The following PTCRA variants were observed in gnomAD, a reference collection of about 807,000 sequenced individuals.
PTCRA encodes pre T-cell antigen receptor alpha.
In PTCRA, 9 loss-of-function variants were observed where a neutral mutation model predicts 13.4. The observed-to-expected ratio is 0.67, with a 90% CI of 0.41 to 1.18. The LOEUF is 1.18. Ranked by LOEUF, PTCRA falls within the 50% of genes most tolerant of loss-of-function variation. PTCRA has a pLI of 0.01. For missense variants in PTCRA, 353 were observed against 359.8 expected (o/e 0.98, Z 0.15); for synonymous variants, 153 against 161.9 (o/e 0.94, Z 0.42).
At position 42,923,363 on chromosome 6, in the gene PTCRA, G is replaced by A. The variant is rs773822059; in HGVS notation, c.379+16G>A. ...CATCTGTCAGGTGGGGATGGAGCCTGGGCCCTTGCGGATGCTCCCTGTCCC... is the reference window on the plus strand; with the variant it reads ...CATCTGTCAGGTGGGGATGGAGCCTAGGCCCTTGCGGATGCTCCCTGTCCC... On this transcript the variant is annotated intron_variant, in intron 2 of 3. Transcript: ENST00000304672. 1 of 1,610,672 alleles carries A rather than the reference G, an allele frequency of 6.2e-7. No individual in the cohort carries two copies. Among genetic ancestry groups the A allele is most frequent in the South Asian group, 1.1e-5 (1 of 91,006 alleles).
At position 42,923,047 on chromosome 6, in the gene PTCRA, C is replaced by T. The variant is rs766274816; in HGVS notation, c.79C>T (p.Pro27Ser). 1 of 1,614,234 alleles carries T rather than the reference C, an allele frequency of 6.2e-7. No homozygotes were observed. The highest frequency in any genetic ancestry group is 1.7e-5 in the Admixed American group (1 of 60,018). ...LPTGVGGTPF[P>S]SLAPPIMLLV... ...TGCAGGTGTGGGCGGCACACCCTTT[C>T]CTTCTCTGGCCCCACCAATCATGCT... is the stretch of plus-strand genomic sequence containing the variant. The change falls in exon 2 of 4, where the codon CCT becomes TCT. Residue 27 changes from proline (P) to serine (S), a missense_variant. Transcript: ENST00000304672.
At chr6:42,918,236 A>G (rs1274227913) in intron 1 of PTCRA, among the ~76,000 whole-genome samples, 2 of 150,964 alleles carry the variant, frequency 1.3e-5, no homozygotes, top group Non-Finnish European at 2.9e-5. Context: ...AGGCTAGGCG[A>G]CAGAACCAGA....
At position 42,923,034 on chromosome 6, in the gene PTCRA, C is replaced by T. The variant is rs530346250; in HGVS notation, c.66C>T (p.Gly22=). ...GTACATGCTCTCTTGCAGGTGTGGG[C>T]GGCACACCCTTTCCTTCTCTGGCCC... is the stretch of plus-strand genomic sequence containing the variant. The part of the protein sequence containing the change: ...LGCPALPTGV[G]GTPFPSLAPP... Residue 22 remains glycine, a synonymous_variant, in exon 2 of 4, where the codon GGC becomes GGT. Transcript: ENST00000304672. 238 of 1,613,990 alleles carry T rather than the reference C, an allele frequency of 1.5e-4. No individual in the cohort carries two copies. Among genetic ancestry groups the T allele is most frequent in the East Asian group, 5.1e-4 (23 of 44,878 alleles).
At chr6:42,918,030 CAGATCACTTGA>C (rs1254193803) in intron 1 of PTCRA, among the ~76,000 whole-genome samples, 1 of 152,058 alleles carries the variant, frequency 6.6e-6, no homozygotes, top group Admixed American at 6.6e-5. Flanking sequence ...CCAAGGCGGG[CAGATCACTTGA>C]AGTCAGGAGT....
chr6:42,923,294 C>T lies in PTCRA; in HGVS notation c.326C>T (p.Thr109Ile), dbSNP rs966039638. 1.1e-5 allele frequency: 18 copies of T among 1,614,110 alleles called. No individual in the cohort carries two copies. Among genetic ancestry groups the T allele is most frequent in the Non-Finnish European group, 1.4e-5 (16 of 1,180,032 alleles). The change falls in exon 2 of 4, where the codon ACT (threonine) becomes ATT (isoleucine). Residue 109 changes from threonine to isoleucine, a missense_variant. Physicochemically the swap from Thr to Ile is moderately conservative, Grantham distance 89 (BLOSUM62 -1). Coordinates refer to ENST00000304672, the MANE Select transcript of PTCRA (RefSeq NM_138296.3). Reference sequence around the variant, plus strand: ...TCCTGGGAGCCTTTGGTCTGCCACACTGGGCCTGGGGCTGAGGGTCACAGC... The same window carrying T: ...TCCTGGGAGCCTTTGGTCTGCCACATTGGGCCTGGGGCTGAGGGTCACAGC... Reference protein sequence around the residue: ...LASWEPLVCHTGPGAEGHSRS... With the variant: ...LASWEPLVCHIGPGAEGHSRS...
chr6:42,921,758 G>T (rs1767181067), intron 1 of PTCRA, among the ~76,000 whole-genome samples: 2 of 150,114 alleles, frequency 1.3e-5, no homozygotes, highest in Admixed American at 1.3e-4. Context: ...AAAAGGCTGG[G>T]TGTGGTGCCT....
chr6:42,925,626 C>T lies in PTCRA; in HGVS notation c.790C>T (p.Leu264Phe). The T allele has an allele frequency of 6.4e-7, 1 of 1,566,772 alleles. No homozygotes were observed. The highest frequency in any genetic ancestry group is 8.6e-7 in the Non-Finnish European group (1 of 1,158,954). Residue 264 changes from leucine (L) to phenylalanine (F), a missense_variant, in exon 4 of 4, where the codon CTT becomes TTT. Physicochemically the swap from Leu to Phe is conservative, Grantham distance 22. Coordinates refer to ENST00000304672, the MANE Select transcript of PTCRA (RefSeq NM_138296.3). This position sits in a 1 kb window ranked among gnomAD's most constrained non-coding sequence, Gnocchi z 4.4. ...TGCCCTCAGGGCTCCTTCCTCCAGTCTTGGAGCATTTTTTGCAGGTGACCT... is the reference window on the plus strand; with the variant it reads ...TGCCCTCAGGGCTCCTTCCTCCAGTTTTGGAGCATTTTTTGCAGGTGACCT... ...RSALRAPSSS[L>F]GAFFAGDLPP...
At chr6:42,919,276 G>T (rs1195826027) in intron 1 of PTCRA, among the ~76,000 whole-genome samples, 3 of 152,038 alleles carry the variant, frequency 2.0e-5, no homozygotes, top group African/African-American at 7.2e-5. Context: ...ATAAAAGCGT[G>T]AGCCACCACG....
At chr6:42,924,835 A>G (rs1160478322) in intron 3 of PTCRA, among the ~76,000 whole-genome samples, 1 of 152,000 alleles carries the variant, frequency 6.6e-6, no homozygotes, top group Non-Finnish European at 1.5e-5. Context: ...GCCGAGCGTG[A>G]TGGCACACGC....
Position 42,925,733 on chromosome 6 carries a change from C to A in PTCRA, c.*51C>A. 2 of 1,338,366 alleles carry A rather than the reference C, an allele frequency of 1.5e-6. No individual in the cohort carries two copies. The highest frequency in any genetic ancestry group is 2.0e-6 in the Non-Finnish European group (2 of 995,870). 82.9% of individuals were successfully genotyped at this position (1,338,366 alleles called of 1,614,324 possible). ...CACACTGTGTGAGGCTGTGTCTCTGCCATCCAAAAGGGGGCCCCTTGAGAA... is the reference window on the plus strand; with the variant it reads ...CACACTGTGTGAGGCTGTGTCTCTGACATCCAAAAGGGGGCCCCTTGAGAA... On this transcript the variant is annotated 3_prime_UTR_variant, in exon 4 of 4. Transcript: ENST00000304672. This position sits in a 1 kb window ranked among gnomAD's most constrained non-coding sequence, Gnocchi z 4.4.
rs757539569 is a variant in PTCRA at position 42,925,556 on chromosome 6, C to CA, written c.721dup (p.Ser241LysfsTer31). The CA allele has an allele frequency of 1.3e-6, 2 of 1,597,394 alleles. No homozygotes were observed. The highest frequency in any genetic ancestry group is 1.7e-4 in the Middle Eastern group (1 of 6,036). On this transcript the variant is annotated frameshift_variant, in exon 4 of 4. Coordinates refer to ENST00000304672, the MANE Select transcript of PTCRA (RefSeq NM_138296.3). LOFTEE classifies it low-confidence loss of function (END_TRUNC). The surrounding 1 kb of genome is among the most constrained non-coding windows in gnomAD (Gnocchi z 4.4). ...CAGTATGGGGGGAAGGGTCTTACCT[C>CA]AGCAGTTACCCCACTTGCCCAGCAC...
rs533516824 is a variant in PTCRA, at chr6:42,925,430, G to T, written c.594G>T (p.Pro198=). The T allele has an allele frequency of 6.4e-7, 1 of 1,555,372 alleles. No homozygotes were observed. Among genetic ancestry groups the T allele is most frequent in the South Asian group, 1.2e-5 (1 of 84,640 alleles). ...LRALGSHRLH[P]ATETGGREAT... ...CCCTCGGCTCCCATCGACTGCACCC[G>T]GCCACGGAGACTGGGGGACGAGAGG... The change falls in exon 4 of 4, where the codon CCG becomes CCT. Residue 198 remains proline (P), a synonymous_variant. Transcript: ENST00000304672. The surrounding 1 kb of genome is among the most constrained non-coding windows in gnomAD (Gnocchi z 4.4).
intron 3 of PTCRA, 60 bp downstream of exon 3, chr6:42,924,333 G>T (rs1482799165): frequency 3.4e-6 from 5 of 1,481,560 alleles, no homozygotes; most frequent in East Asian, 2.3e-5. Context: ...TTGGGCCCGG[G>T]GGGTGGGGCC....
intron 1 of PTCRA, among the ~76,000 whole-genome samples, chr6:42,917,769 C>G (rs1313792201): frequency 6.7e-6 from 1 of 150,370 alleles, no homozygotes; most frequent in South Asian, 2.1e-4. Context: ...AGGCTGGTCC[C>G]GAACTCCTGA....
chr6:42,925,527 A>G lies in PTCRA; in HGVS notation c.691A>G (p.Ser231Gly). Reference protein sequence around the residue: ...GDTPPGRKPGSPVWGEGSYLS... With the variant: ...GDTPPGRKPGGPVWGEGSYLS... The stretch of plus-strand genomic sequence containing the variant: ...CACCCCTCCGGGTCGGAAGCCCGGG[A>G]GCCCAGTATGGGGGGAAGGGTCTTA... Residue 231 changes from serine to glycine, a missense_variant, in exon 4 of 4, where the codon AGC becomes GGC. By Grantham distance (56) the Ser-to-Gly change is moderately conservative (BLOSUM62 0). Transcript: ENST00000304672. This position sits in a 1 kb window ranked among gnomAD's most constrained non-coding sequence, Gnocchi z 4.4. 2 of 1,583,878 alleles carry G rather than the reference A, an allele frequency of 1.3e-6. No individual in the cohort carries two copies. The highest frequency in any genetic ancestry group is 1.7e-6 in the Non-Finnish European group (2 of 1,163,908).
rs190928632 is a variant in PTCRA at position 42,917,413 on chromosome 6, G to T, written c.58+1286G>T. On this transcript the variant is annotated intron_variant, in intron 1 of 3. Coordinates refer to ENST00000304672, the MANE Select transcript of PTCRA (RefSeq NM_138296.3). ...AATTTTTTGTATTTTTAGTACAGAC[G>T]GAGTTTCACTGTGTTGGCCAGGCTG... Among the ~76,000 whole-genome samples the T allele has an allele frequency of 1.6e-3, 238 of 147,936 alleles. 2 individuals carry two copies. The highest frequency in any genetic ancestry group is 5.4e-3 in the African/African-American group (222 of 40,806).
intron 1 of PTCRA, 56 bp from the exon 2 acceptor site, chr6:42,922,971 C>G: frequency 6.6e-7 from 1 of 1,511,420 alleles, no homozygotes; most frequent in Non-Finnish European, 9.2e-7. Flanking sequence ...CAACACAATG[C>G]TGGCCTGGGA....
At chr6:42,916,255 G>C in intron 1 of PTCRA, 128 bp downstream of exon 1, 1 of 922,236 alleles carries the variant, frequency 1.1e-6, no homozygotes. Context: ...GGGACCTCTG[G>C]GGAGGGTCCC....
chr6:42,916,265 C>T, intron 1 of PTCRA, 138 bp downstream of exon 1: 3 of 836,106 alleles, frequency 3.6e-6, no homozygotes. Context: ...GGGAGGGTCC[C>T]TCTGGGGAGG....
Sources: allele counts gnomAD v4.1 joint callset (sites outside exome capture counted in the v4.1 genomes callset), GRCh38; gene constraint gnomAD v4.1.1; non-coding constraint Gnocchi (gnomAD v3.1); transcripts MANE v1.5; gene names NCBI Gene and HGNC (gene_info 2026-07-23, HGNC 2026-07-21).